The following GALNT12 variants were observed in gnomAD, a reference collection of about 807,000 sequenced individuals.
GALNT12 encodes the protein UDP-GalNAc:polypeptide N-acetylgalactosaminyltransferase 12.
A neutral mutation model predicts 55.5 loss-of-function variants in GALNT12; 45 were observed. The observed-to-expected ratio is 0.81, with a 90% CI of 0.64 to 1.04. The LOEUF (loss-of-function observed/expected upper bound fraction) is 1.04. GALNT12 is among the 50% of genes least tolerant of loss of function. The pLI, the probability that GALNT12 is intolerant of heterozygous loss-of-function variation, is 0.00. For missense variants in GALNT12, 709 were observed against 754.8 expected (o/e 0.94, Z 0.71); for synonymous variants, 304 against 312.2 (o/e 0.97, Z 0.28).
At chr9:98,811,996 A>G (rs941004632) in intron 1 of GALNT12, among the ~76,000 whole-genome samples, 2 of 152,198 alleles carry the variant, frequency 1.3e-5, no homozygotes, top group African/African-American at 4.8e-5. Flanking sequence ...AAGTGGTTCT[A>G]AACAGGTAAT....
In GALNT12 at chr9:98,844,083, A is replaced by G. The variant is rs1421355139; in HGVS notation, c.1345-13A>G. The G allele has an allele frequency of 6.4e-7, 1 of 1,570,462 alleles. No individual in the cohort carries two copies. The highest frequency in any genetic ancestry group is 1.1e-5 in the South Asian group (1 of 90,104). On this transcript the variant is annotated splice_polypyrimidine_tract_variant and intron_variant, in intron 7 of 9. Coordinates refer to ENST00000375011, the MANE Select transcript of GALNT12 (RefSeq NM_024642.5). ...AAATCTGGACTGAAATGCCACATTT[A>G]TGTTTTATTTAGCTCCAGAACAAAG...
At chr9:98,808,452 C>T (rs1055492073) in intron 1 of GALNT12, among the ~76,000 whole-genome samples, 1 of 152,178 alleles carries the variant, frequency 6.6e-6, no homozygotes, top group Admixed American at 6.5e-5. Context: ...ACAACTCCTC[C>T]GGGCGGTGAC....
At chr9:98,835,159 A>T in intron 4 of GALNT12, 90 bp from the exon 5 acceptor site, 1 of 898,008 alleles carries the variant, frequency 1.1e-6, no homozygotes, top group South Asian at 1.3e-5. Flanking sequence ...ACAGATGAAC[A>T]GATGAAAGGG....
intron 1 of GALNT12, among the ~76,000 whole-genome samples, chr9:98,819,112 T>C (rs1480332149): frequency 6.6e-6 from 1 of 152,240 alleles, no homozygotes; most frequent in Admixed American, 6.5e-5. Context: ...ATACCTTCCA[T>C]TGAGGAAACA....
At chr9:98,833,547 A>G (rs1836056392) in intron 4 of GALNT12, among the ~76,000 whole-genome samples, 1 of 152,184 alleles carries the variant, frequency 6.6e-6, no homozygotes, top group Admixed American at 6.5e-5. Flanking sequence ...GTAGGCAGGG[A>G]TACCATTAGG....
intron 7 of GALNT12, among the ~76,000 whole-genome samples, chr9:98,842,458 G>T (rs1836314604): frequency 6.6e-6 from 1 of 152,098 alleles, no homozygotes; most frequent in African/African-American, 2.4e-5. Context: ...CAAAGTGCTG[G>T]GATTACAGGT....
chr9:98,844,124 G>A lies in GALNT12; in HGVS notation c.1373G>A (p.Cys458Tyr). 1 of 1,613,700 alleles carries A rather than the reference G, an allele frequency of 6.2e-7. No individual in the cohort carries two copies. ...CAGAACAAAGGACTAACAGACTACT[G>A]CTTTGACTATAACCCTCCCGATGAA... ...MLQNKGLTDY[C>Y]FDYNPPDENQ... Residue 458 changes from cysteine to tyrosine, a missense_variant, in exon 8 of 10, where the codon TGC (cysteine) becomes TAC (tyrosine). Physicochemically the swap from Cys to Tyr is radical, Grantham distance 194 (BLOSUM62 -2). Around this residue, in one of 5 missense-constraint regions of GALNT12, gnomAD observed 262 missense variants for 310.7 expected, o/e 0.84. Coordinates refer to ENST00000375011, the MANE Select transcript of GALNT12 (RefSeq NM_024642.5).
At position 98,837,144 on chromosome 9, in the gene GALNT12, G is replaced by A. The variant is rs776700061; in HGVS notation, c.1208G>A (p.Arg403His). The change falls in exon 6 of 10, where the codon CGC becomes CAC. Residue 403 changes from arginine to histidine, a missense_variant. Coordinates refer to ENST00000375011, the MANE Select transcript of GALNT12 (RefSeq NM_024642.5). ...ELYYHRNPRA[R>H]LEPFGDVTER... The stretch of plus-strand genomic sequence containing the variant: ...TACTACCATCGCAACCCCCGTGCCC[G>A]CTTGGTGAGTTCCTCGGCCCACCTG... 1.3e-4 allele frequency: 217 copies of A among 1,613,994 alleles called. No individual in the cohort carries two copies. The highest frequency in any genetic ancestry group is 1.8e-4 in the South Asian group (16 of 91,082).
rs987491993 is a variant in GALNT12, at chr9:98,835,108, G to A, written c.918-141G>A. 1.3e-5 allele frequency: 10 copies of A among 750,002 alleles called. No homozygotes were observed. The East Asian group carries it at 2.5e-4, about 19-fold the overall frequency. The allele number at this position is 750,002 out of a possible 1,614,324, so 46.5% of individuals were successfully genotyped here. A position where few individuals can be genotyped will look rare whatever the true frequency, so the allele number is the denominator to read the frequency against. ...CATCTATGCCTCCAGGCCCAGCCTA[G>A]TGTGGGGCACAGAGGTGAAGGCGGG... On this transcript the variant is annotated intron_variant, in intron 4 of 9. Transcript: ENST00000375011.
chr9:98,808,180 A>G (rs1334050875), intron 1 of GALNT12, 111 bp downstream of exon 1: 1 of 801,272 alleles, frequency 1.2e-6, no homozygotes, highest in Non-Finnish European at 2.0e-6. Context: ...GGCGCGTCTT[A>G]TTGAGTCTTT....
chr9:98,835,811 C>T (rs146708749), intron 5 of GALNT12, among the ~76,000 whole-genome samples: 29 of 152,226 alleles, frequency 1.9e-4, no homozygotes, highest in African/African-American at 7.0e-4. Context: ...TCTCAGCTCA[C>T]TGCAACCTCC....
intron 1 of GALNT12, among the ~76,000 whole-genome samples, chr9:98,809,624 C>T (rs2118267359): frequency 6.6e-6 from 1 of 152,314 alleles, no homozygotes; most frequent in South Asian, 2.1e-4. Flanking sequence ...GGAAAGAACA[C>T]AACTTAGGAA....
At position 98,848,910 on chromosome 9, in the gene GALNT12, A is replaced by G. The variant is rs974763333; in HGVS notation, c.1606-42A>G. 12 of 1,612,992 alleles carry G rather than the reference A, an allele frequency of 7.4e-6. No homozygotes were observed. The African/African-American group carries it at 1.6e-4, about 22-fold the overall frequency. On this transcript the variant is annotated intron_variant, in intron 9 of 9. Transcript: ENST00000375011. The stretch of plus-strand genomic sequence containing the variant: ...TAAAACATGTCTTTAGGAAAAAGAG[A>G]CTTTTCTGATGACTTGCCTGTCATT...
chr9:98,818,653 G>T (rs1272136353), intron 1 of GALNT12, among the ~76,000 whole-genome samples: 3 of 152,124 alleles, frequency 2.0e-5, no homozygotes, highest in Non-Finnish European at 4.4e-5. Context: ...CAGTTCCTCA[G>T]TCTCTCATGG....
In GALNT12 at chr9:98,826,884, C is replaced by T. The variant is rs867921388; in HGVS notation, c.674C>T (p.Thr225Ile). The T allele has an allele frequency of 1.3e-6, 2 of 1,590,182 alleles. No individual in the cohort carries two copies. The highest frequency in any genetic ancestry group is 2.7e-5 in the African/African-American group (2 of 74,608). The change falls in exon 3 of 10, where the codon ACC (threonine) becomes ATC (isoleucine). Residue 225 changes from threonine (T) to isoleucine (I), a missense_variant. Physicochemically the swap from Thr to Ile is moderately conservative, Grantham distance 89. Coordinates refer to ENST00000375011, the MANE Select transcript of GALNT12 (RefSeq NM_024642.5). ...TCTGCGGCGAGGGGCGATGTTCTGA[C>T]CTTCCTGGACTGTCACTGTGAGTGC... ...GASAARGDVL[T>I]FLDCHCECHE...
chr9:98,815,831 G>A (rs1835597705), intron 1 of GALNT12, among the ~76,000 whole-genome samples: 1 of 152,212 alleles, frequency 6.6e-6, no homozygotes, highest in Non-Finnish European at 1.5e-5. Flanking sequence ...GTTTATGCGT[G>A]AACGCGCTCA....
intron 4 of GALNT12, among the ~76,000 whole-genome samples, chr9:98,834,188 A>C (rs1422561220): frequency 6.6e-6 from 1 of 151,418 alleles, no homozygotes; most frequent in African/African-American, 2.4e-5. Flanking sequence ...GCATGATCTC[A>C]GCTCTCTGCA....
chr9:98,826,178 A>T (rs1371327119), intron 2 of GALNT12, among the ~76,000 whole-genome samples: 2 of 152,154 alleles, frequency 1.3e-5, no homozygotes, highest in Non-Finnish European at 2.9e-5. Context: ...TCTGTGAAAT[A>T]GGGATAATAC....
At chr9:98,844,883 G>A (rs1836376779) in intron 8 of GALNT12, among the ~76,000 whole-genome samples, 1 of 152,110 alleles carries the variant, frequency 6.6e-6, no homozygotes, top group South Asian at 2.1e-4. Flanking sequence ...AGGACCCTTG[G>A]AGGATGCAGG....
Sources: allele counts gnomAD v4.1 joint callset (sites outside exome capture counted in the v4.1 genomes callset), GRCh38; gene constraint gnomAD v4.1.1; regional missense constraint gnomAD v4.1.1; transcripts MANE v1.5; gene names NCBI Gene and HGNC (gene_info 2026-07-23, HGNC 2026-07-21).